KIAA1217: variants seen among roughly 807,000 people sequenced by gnomAD.
KIAA1217 encodes the protein KIAA1217, also known as sickle tail protein homolog.
A neutral mutation model predicts 163.9 loss-of-function variants in KIAA1217; 88 were observed. The observed-to-expected ratio is 0.54, with a 90% CI of 0.45 to 0.64. KIAA1217 has a LOEUF of 0.64. Among genes scored for constraint, KIAA1217 ranks in the 30% least tolerant of loss-of-function variants. The pLI, the probability that KIAA1217 is intolerant of heterozygous loss-of-function variation, is 0.00. For synonymous variants in KIAA1217, 903 were observed against 923.1 expected (o/e 0.98, Z 0.39); for missense variants, 2,372 against 2,475.0 (o/e 0.96, Z 0.88).
intron 9 of KIAA1217, among the ~76,000 whole-genome samples, chr10:24,508,161 A>G (rs763625085): frequency 1.1e-4 from 16 of 152,216 alleles, no homozygotes; most frequent in Non-Finnish European, 2.2e-4. Context: ...GCAATATATA[A>G]AAAGAATAAT....
At chr10:23,810,986 T>C (rs1442878910) in intron 1 of KIAA1217, among the ~76,000 whole-genome samples, 1 of 121,220 alleles carries the variant, frequency 8.2e-6, no homozygotes, top group Non-Finnish European at 1.6e-5. Flanking sequence ...TACTATAGTA[T>C]ATATACTATA....
intron 2 of KIAA1217, among the ~76,000 whole-genome samples, chr10:24,096,686 G>A (rs1010012313): frequency 6.6e-6 from 1 of 152,078 alleles, no homozygotes; most frequent in African/African-American, 2.4e-5. Flanking sequence ...CATGTGCTGT[G>A]TTCCTCACCT....
At chr10:24,364,368 A>G (rs1183151218) in intron 2 of KIAA1217, among the ~76,000 whole-genome samples, 1 of 152,218 alleles carries the variant, frequency 6.6e-6, no homozygotes, top group East Asian at 1.9e-4. Context: ...TTTAGCAGGT[A>G]TATGTGAGAG....
intron 1 of KIAA1217, among the ~76,000 whole-genome samples, chr10:23,741,633 A>G (rs1839119675): frequency 6.6e-6 from 1 of 152,226 alleles, no homozygotes. Flanking sequence ...CTGTACATGC[A>G]GAGCCAGCTC....
chr10:24,112,149 A>AT (rs1283029714), intron 2 of KIAA1217, among the ~76,000 whole-genome samples: 1 of 152,120 alleles, frequency 6.6e-6, no homozygotes, highest in Non-Finnish European at 1.5e-5. Flanking sequence ...TAATTTTAAG[A>AT]TTTTCTGCCA....
chr10:23,712,954 A>AG (rs1056066424), intron 1 of KIAA1217, among the ~76,000 whole-genome samples: 12 of 152,102 alleles, frequency 7.9e-5, no homozygotes, highest in Non-Finnish European at 1.5e-4. Flanking sequence ...GAAGCAGCCA[A>AG]GGGGGTGGAG....
At chr10:24,402,308 C>T (rs924911669) in intron 3 of KIAA1217, among the ~76,000 whole-genome samples, 1 of 151,708 alleles carries the variant, frequency 6.6e-6, no homozygotes. Flanking sequence ...AGGTCGAGAC[C>T]ATCCTGGCTA....
chr10:24,424,328 GTT>G (rs71397950), intron 3 of KIAA1217, among the ~76,000 whole-genome samples: 10,738 of 152,258 alleles, frequency 0.071, 463 homozygotes, highest in East Asian at 0.12. Flanking sequence ...GTCAGCTGGT[GTT>G]AGGTAAGAAT....
chr10:23,801,760 C>T (rs946299149), intron 1 of KIAA1217, among the ~76,000 whole-genome samples: 2 of 152,176 alleles, frequency 1.3e-5, no homozygotes, highest in African/African-American at 2.4e-5. Context: ...AAGTAAGTAA[C>T]GTGCTTAAGG....
Position 23,755,423 on chromosome 10 carries a change from C to T in KIAA1217, c.-321+60189C>T, listed in dbSNP as rs1438640155. On this transcript the variant is annotated intron_variant, in intron 1 of 18. Coordinates refer to the KIAA1217 transcript ENST00000376462. ...TAATCTTGTCCAAGTCTGTTAACCTCTGTCATCTTCAGTGATCATAAAAGT... is the reference window on the plus strand; with the variant it reads ...TAATCTTGTCCAAGTCTGTTAACCTTTGTCATCTTCAGTGATCATAAAAGT... Among the ~76,000 whole-genome samples the T allele has an allele frequency of 1.6e-4, 24 of 152,208 alleles. 1 individual carries two copies. Among genetic ancestry groups the T allele is most frequent in the Admixed American group, 1.6e-3 (24 of 15,282 alleles).
intron 2 of KIAA1217, chr10:24,255,463 G>A (rs74125001): frequency 6.6e-6 from 3 of 454,526 alleles, no homozygotes; most frequent in African/African-American, 6.0e-5. Flanking sequence ...GAACATTAAA[G>A]GTCTGGCTGA....
At chr10:24,317,412 C>T (rs534699076) in intron 2 of KIAA1217, among the ~76,000 whole-genome samples, 114 of 152,244 alleles carry the variant, frequency 7.5e-4, no homozygotes, top group African/African-American at 2.7e-3. Flanking sequence ...CACCACCACA[C>T]CCAGCTTAAT....
chr10:24,052,118 T>G (rs1849560027), intron 2 of KIAA1217, among the ~76,000 whole-genome samples: 1 of 152,200 alleles, frequency 6.6e-6, no homozygotes, highest in Non-Finnish European at 1.5e-5. Flanking sequence ...GCTACTTGCG[T>G]ACTCCAAGTT....
intron 1 of KIAA1217, among the ~76,000 whole-genome samples, chr10:23,824,671 A>G (rs1266386986): frequency 2.2e-5 from 3 of 138,306 alleles, no homozygotes; most frequent in African/African-American, 7.9e-5. Context: ...ATATATATAT[A>G]TATATATATA....
At chr10:24,462,283 G>A (rs983036041) in intron 5 of KIAA1217, among the ~76,000 whole-genome samples, 1 of 152,016 alleles carries the variant, frequency 6.6e-6, no homozygotes, top group Non-Finnish European at 1.5e-5. Context: ...TAAATCATTC[G>A]AGCCGAAGCC....
chr10:24,135,771 A>C (rs2063810164), intron 2 of KIAA1217, among the ~76,000 whole-genome samples: 1 of 152,146 alleles, frequency 6.6e-6, no homozygotes, highest in Admixed American at 6.5e-5. Context: ...TCTGCTGCGA[A>C]GCTTTCTGAG....
At chr10:24,382,848 T>C (rs1292033607) in intron 3 of KIAA1217, among the ~76,000 whole-genome samples, 5 of 113,976 alleles carry the variant, frequency 4.4e-5, no homozygotes, top group Non-Finnish European at 7.5e-5. Flanking sequence ...TCTTTTCTTT[T>C]TTTTTTTTTT....
intron 3 of KIAA1217, among the ~76,000 whole-genome samples, chr10:24,409,571 C>T (rs1591695682): frequency 6.6e-6 from 1 of 152,274 alleles, no homozygotes; most frequent in East Asian, 1.9e-4. Context: ...CCAAATTGTA[C>T]ACTTTAGATG....
intron 2 of KIAA1217, among the ~76,000 whole-genome samples, chr10:24,046,007 A>C (rs1021512559): frequency 1.3e-5 from 2 of 152,140 alleles, no homozygotes; most frequent in African/African-American, 4.8e-5. Flanking sequence ...CAGGATGAGG[A>C]TATGAGCCAA....
Sources: allele counts gnomAD v4.1 joint callset (sites outside exome capture counted in the v4.1 genomes callset), GRCh38; gene constraint gnomAD v4.1.1; transcripts MANE v1.5; gene names NCBI Gene and HGNC (gene_info 2026-07-23, HGNC 2026-07-21).